Variants in ANKRD11 observed in about 807,000 individuals in gnomAD.
The protein encoded by ANKRD11 is ankyrin repeat domain 11.
ANKRD11 carries 17 observed loss-of-function variants against 195.7 expected under a neutral mutation model. That is an observed-to-expected ratio of 0.09 (90% CI 0.06 to 0.13). The LOEUF is 0.13. ANKRD11 is among the 10% of genes least tolerant of loss of function. ANKRD11 has a pLI of 1.00. For missense variants in ANKRD11, 3,735 were observed against 3,566.1 expected (o/e 1.05, Z -1.21); for synonymous variants, 1,953 against 1,528.1 (o/e 1.28, Z -6.49).
chr16:89,273,754 C>T (rs565535780), intron 11 of ANKRD11, among the ~76,000 whole-genome samples: 19 of 152,206 alleles, frequency 1.2e-4, no homozygotes, highest in African/African-American at 4.1e-4. Flanking sequence ...TGATAAAATA[C>T]ATCCCCAAAG....
chr16:89,452,794 A>G (rs1385414524), intron 1 of ANKRD11, among the ~76,000 whole-genome samples: 1 of 151,554 alleles, frequency 6.6e-6, no homozygotes, highest in Non-Finnish European at 1.5e-5. Context: ...AAAAAAAAAA[A>G]AAAAAAAGAA....
chr16:89,447,312 C>T (rs766974687), intron 1 of ANKRD11, among the ~76,000 whole-genome samples: 11 of 152,146 alleles, frequency 7.2e-5, no homozygotes, highest in Non-Finnish European at 1.6e-4. Flanking sequence ...CCCTATCCAG[C>T]GACTTATCAC....
At chr16:89,435,287 C>T (rs905159157) in intron 1 of ANKRD11, among the ~76,000 whole-genome samples, 3 of 152,108 alleles carry the variant, frequency 2.0e-5, no homozygotes, top group Admixed American at 6.5e-5. Context: ...GCCCAATCAG[C>T]GCTCTGTAAA....
chr16:89,458,824 A>C (rs1450927894), intron 1 of ANKRD11: 3 of 152,246 alleles, frequency 2.0e-5, no homozygotes, highest in Non-Finnish European at 4.4e-5. Flanking sequence ...CCTGCTGCTG[A>C]CTGGCTGCCT....
chr16:89,341,436 T>G (rs1427422576), intron 2 of ANKRD11, among the ~76,000 whole-genome samples: 1 of 152,218 alleles, frequency 6.6e-6, no homozygotes, highest in African/African-American at 2.4e-5. Flanking sequence ...ACCAAGCAGC[T>G]TCCCAGCCTT....
At chr16:89,275,677 G>A (rs1008701654) in intron 9 of ANKRD11, among the ~76,000 whole-genome samples, 6 of 152,104 alleles carry the variant, frequency 3.9e-5, no homozygotes, top group African/African-American at 1.4e-4. Flanking sequence ...GCAGTGGCTC[G>A]GGGGAGGGAA....
intron 2 of ANKRD11, among the ~76,000 whole-genome samples, chr16:89,325,905 G>A (rs2037686458): frequency 6.6e-6 from 1 of 152,280 alleles, no homozygotes; most frequent in South Asian, 2.1e-4. Context: ...GACCCTCAAG[G>A]GCATGAGCAT....
chr16:89,437,396 G>A (rs2152283902), intron 1 of ANKRD11, among the ~76,000 whole-genome samples: 1 of 152,228 alleles, frequency 6.6e-6, no homozygotes, highest in East Asian at 1.9e-4. Context: ...CAAACAGGCT[G>A]GCTCTTCCCG....
intron 1 of ANKRD11, among the ~76,000 whole-genome samples, chr16:89,484,927 A>G (rs1052352948): frequency 3.3e-5 from 5 of 152,346 alleles, no homozygotes; most frequent in African/African-American, 1.2e-4. Flanking sequence ...TGCGAAGGAC[A>G]GGCCTGGAAA....
At chr16:89,332,215 C>G (rs1004485151) in intron 2 of ANKRD11, among the ~76,000 whole-genome samples, 1 of 152,106 alleles carries the variant, frequency 6.6e-6, no homozygotes, top group Non-Finnish European at 1.5e-5. Flanking sequence ...ATTAAAGAAT[C>G]CTCACAATAA....
rs1555543272 is a variant in ANKRD11 at position 89,325,448 on chromosome 16, TC to T, written c.-59-8371del. Among the ~76,000 whole-genome samples, 591 of 76,318 alleles carry T rather than the reference TC, an allele frequency of 7.7e-3. 2 individuals are homozygous for T. The highest frequency in any genetic ancestry group is 0.029 in the African/African-American group (561 of 19,652). 50.1% of individuals were successfully genotyped at this position (76,318 alleles called of 152,430 possible). On this transcript the variant is annotated intron_variant, in intron 2 of 12. Transcript: ENST00000301030. ...GCCAGACCCTCTCCCCTCTCCCCTCTCCTCTCTCTCTCTCTCTCTCTCACAC... is the reference window on the plus strand; with the variant it reads ...GCCAGACCCTCTCCCCTCTCCCCTCTCTCTCTCTCTCTCTCTCTCTCACAC...
intron 2 of ANKRD11, among the ~76,000 whole-genome samples, chr16:89,393,678 A>C (rs1394293306): frequency 1.3e-5 from 2 of 151,836 alleles, no homozygotes; most frequent in Non-Finnish European, 2.9e-5. Flanking sequence ...CGTCCACCTC[A>C]GAGGATTTGT....
intron 4 of ANKRD11, among the ~76,000 whole-genome samples, chr16:89,293,181 AG>A (rs145624752): frequency 1.3e-5 from 2 of 152,150 alleles, no homozygotes; most frequent in Non-Finnish European, 2.9e-5. Flanking sequence ...CACCCAGAGC[AG>A]GGGGGTTAAT....
intron 3 of ANKRD11, chr16:89,313,399 G>A (rs753538697): frequency 4.0e-5 from 51 of 1,288,532 alleles, no homozygotes; most frequent in Non-Finnish European, 4.8e-5. Context: ...TTCCGTGGTC[G>A]GCAATGGTGA....
intron 1 of ANKRD11, among the ~76,000 whole-genome samples, chr16:89,469,388 AT>A (rs1380611753): frequency 4.0e-5 from 6 of 151,838 alleles, no homozygotes; most frequent in African/African-American, 1.5e-4. Context: ...CGTCCAGCTA[AT>A]TTTTTTGCAT....
At chr16:89,336,768 A>C (rs2038376384) in intron 2 of ANKRD11, among the ~76,000 whole-genome samples, 1 of 152,160 alleles carries the variant, frequency 6.6e-6, no homozygotes, top group African/African-American at 2.4e-5. Context: ...ACTACATGAG[A>C]GATGATAAAA....
chr16:89,292,774 T>C (rs1411631274), intron 4 of ANKRD11, among the ~76,000 whole-genome samples: 1 of 152,224 alleles, frequency 6.6e-6, no homozygotes, highest in Non-Finnish European at 1.5e-5. Context: ...CACCGGCCAA[T>C]GAGCCCCAGC....
At chr16:89,373,276 A>G (rs2040271898) in intron 2 of ANKRD11, 2 of 152,264 alleles carry the variant, frequency 1.3e-5, no homozygotes, top group South Asian at 4.1e-4. Context: ...TTATCCCCAG[A>G]TAAGTGGTAA....
intron 1 of ANKRD11, among the ~76,000 whole-genome samples, chr16:89,438,261 G>C (rs1338230016): frequency 6.6e-6 from 1 of 152,076 alleles, no homozygotes; most frequent in Non-Finnish European, 1.5e-5. Flanking sequence ...AAATGCAAAG[G>C]GCAAAAGTAC....
Sources: allele counts gnomAD v4.1 joint callset (sites outside exome capture counted in the v4.1 genomes callset), GRCh38; gene constraint gnomAD v4.1.1; transcripts MANE v1.5; gene names NCBI Gene and HGNC (gene_info 2026-07-23, HGNC 2026-07-21).